The following NF1 variants were observed in gnomAD, a reference collection of about 807,000 sequenced individuals.
The protein encoded by NF1 is neurofibromin.
NF1 carries 122 observed loss-of-function variants against 325.7 expected under a neutral mutation model. That is an observed-to-expected ratio of 0.37 (90% CI 0.32 to 0.44). The LOEUF is 0.44. Among genes scored for constraint, NF1 ranks in the 20% least tolerant of loss-of-function variants. NF1 has a pLI of 1.00. For synonymous variants in NF1, 1,091 were observed against 1,186.0 expected (o/e 0.92, Z 1.65); for missense variants, 2,140 against 3,415.4 (o/e 0.63, Z 9.31).
Position 31,350,394 on chromosome 17 carries a change from A to G in NF1, c.7457+76A>G. 3.2e-6 allele frequency: 4 copies of G among 1,269,438 alleles called. No individual in the cohort carries two copies. In the South Asian group the frequency reaches 3.6e-5, roughly 12 times the overall value. 78.6% of individuals were successfully genotyped at this position (1,269,438 alleles called of 1,614,324 possible). A position where few individuals can be genotyped will look rare whatever the true frequency, so the allele number is the denominator to read the frequency against. On this transcript the variant is annotated intron_variant, in intron 50 of 57. Coordinates refer to ENST00000358273, the MANE Select transcript of NF1 (RefSeq NM_001042492.3). ...TTTCCAACTAATGGAGGCAAGCAGC[A>G]GAGTAATCTAGAAGGTAACATGGGA...
intron 12 of NF1, among the ~76,000 whole-genome samples, chr17:31,213,912 C>T (rs1212800628): frequency 6.6e-6 from 1 of 152,092 alleles, no homozygotes; most frequent in African/African-American, 2.4e-5. Flanking sequence ...TATTTTTACT[C>T]TTCTCTAAAA....
Position 31,236,049 on chromosome 17 carries a change from T to C in NF1, c.3974+28T>C, listed in dbSNP as rs778151597. ...TTGTCATCTTTTCACATAGAACCGC[T>C]GTTTTTTGTTTTTTTTTTTTTGTTT... On this transcript the variant is annotated intron_variant, in intron 29 of 57. Transcript: ENST00000358273. The C allele has an allele frequency of 2.7e-6, 4 of 1,498,962 alleles. No homozygotes were observed. The Admixed American group carries it at 5.4e-5, about 20-fold the overall frequency. The allele number at this position is 1,498,962 out of a possible 1,614,324, so 92.9% of individuals were successfully genotyped here.
chr17:31,236,791 T>G (rs897783795), intron 29 of NF1, among the ~76,000 whole-genome samples: 3 of 152,062 alleles, frequency 2.0e-5, no homozygotes, highest in Admixed American at 6.5e-5. Context: ...AAGCTTTCTC[T>G]GCTTGTTACC....
intron 36 of NF1, among the ~76,000 whole-genome samples, chr17:31,316,191 T>A (rs1455546213): frequency 1.3e-5 from 2 of 152,172 alleles, no homozygotes; most frequent in Non-Finnish European, 2.9e-5. Context: ...GATTCACTAT[T>A]TTTAAATCCC....
intron 3 of NF1, among the ~76,000 whole-genome samples, chr17:31,161,476 T>C (rs1009568382): frequency 2.0e-5 from 3 of 152,236 alleles, no homozygotes; most frequent in African/African-American, 4.8e-5. Flanking sequence ...CTTATCCGCA[T>C]GTAGTTATCA....
At chr17:31,216,590 C>T (rs1164689975) in intron 13 of NF1, among the ~76,000 whole-genome samples, 1 of 151,974 alleles carries the variant, frequency 6.6e-6, no homozygotes, top group Non-Finnish European at 1.5e-5. Flanking sequence ...TTCTTAGATC[C>T]CCCTGATCAT....
intron 14 of NF1, among the ~76,000 whole-genome samples, chr17:31,221,641 G>A (rs2066922321): frequency 6.6e-6 from 1 of 151,962 alleles, no homozygotes; most frequent in South Asian, 2.1e-4. Context: ...CAGAATGATG[G>A]GAATAAAATG....
chr17:31,220,080 T>G (rs147396914), intron 14 of NF1, among the ~76,000 whole-genome samples: 1 of 152,316 alleles, frequency 6.6e-6, no homozygotes, highest in East Asian at 1.9e-4. Flanking sequence ...TGCTAAGTCG[T>G]GTGGTAACTC....
chr17:31,178,882 AC>A (rs1357334932), intron 5 of NF1, among the ~76,000 whole-genome samples: 1 of 152,200 alleles, frequency 6.6e-6, no homozygotes, highest in Non-Finnish European at 1.5e-5. Context: ...TTAGAGACCT[AC>A]AAAGAGACTT....
At chr17:31,327,371 C>T in intron 37 of NF1, 128 bp from the exon 38 acceptor site, 1 of 706,286 alleles carries the variant, frequency 1.4e-6, no homozygotes, top group Non-Finnish European at 2.5e-6. Context: ...TTTGAATATA[C>T]AATGGTGGGA....
chr17:31,260,527 C>G lies in NF1; in HGVS notation c.4577+12C>G, dbSNP rs17878332. Reference sequence around the variant, plus strand: ...CTTTCCAGCAACAGGTAAGATTTCCCAGTCATGGGGATAGTGAACACTCTC... The same window carrying G: ...CTTTCCAGCAACAGGTAAGATTTCCGAGTCATGGGGATAGTGAACACTCTC... On this transcript the variant is annotated intron_variant, in intron 34 of 57. Coordinates refer to ENST00000358273, the MANE Select transcript of NF1 (RefSeq NM_001042492.3). The G allele has an allele frequency of 1.2e-6, 2 of 1,613,570 alleles. No homozygotes were observed. The highest frequency in any genetic ancestry group is 1.1e-5 in the South Asian group (1 of 91,076).
chr17:31,317,709 T>C (rs191919977), intron 36 of NF1: 1 of 152,318 alleles, frequency 6.6e-6, no homozygotes, highest in Admixed American at 6.5e-5. Context: ...AAAGTAAAGG[T>C]TTTAATTTAA....
intron 36 of NF1, chr17:31,320,509 G>A (rs1320921677): frequency 3.2e-6 from 4 of 1,252,534 alleles, no homozygotes; most frequent in Non-Finnish European, 4.6e-6. Flanking sequence ...GCTGACATTT[G>A]TATACTATTA....
Position 31,334,863 on chromosome 17 carries a change from G to T in NF1, c.5838G>T (p.Leu1946Phe), listed in dbSNP as rs2151550301. 1 of 1,613,716 alleles carries T rather than the reference G, an allele frequency of 6.2e-7. No individual in the cohort carries two copies. Among genetic ancestry groups the T allele is most frequent in the Non-Finnish European group, 8.5e-7 (1 of 1,179,918 alleles). ...GTATTGAATTGAAACACCTTTGTTT[G>T]GAATACATGACTCCATGGCTGTCAA... ...KSSIELKHLC[L>F]EYMTPWLSNL... is the part of the protein sequence containing the mutation. The change falls in exon 40 of 58, where the codon TTG becomes TTT. Residue 1946 changes from leucine (L) to phenylalanine (F), a missense_variant. Transcript: ENST00000358273.
intron 8 of NF1, among the ~76,000 whole-genome samples, chr17:31,197,344 C>CTTT (rs61619278): frequency 2.0e-5 from 2 of 99,294 alleles, no homozygotes; most frequent in Non-Finnish European, 4.1e-5. Flanking sequence ...CCGCGCCTGG[C>CTTT]TTTTTTTTTT....
At chr17:31,236,076 T>C (rs1567852937) in intron 29 of NF1, 55 bp downstream of exon 29, 2 of 1,341,430 alleles carry the variant, frequency 1.5e-6, no homozygotes, top group Non-Finnish European at 2.1e-6. Context: ...TTTTTGTTTG[T>C]TTGTTTTACT....
At chr17:31,197,262 G>A (rs1463339805) in intron 8 of NF1, among the ~76,000 whole-genome samples, 1 of 150,798 alleles carries the variant, frequency 6.6e-6, no homozygotes, top group African/African-American at 2.4e-5. Context: ...TAGCCAGGAT[G>A]GTCTCCATCT....
chr17:31,241,069 G>C (rs140995832), intron 29 of NF1, among the ~76,000 whole-genome samples: 1,974 of 152,166 alleles, frequency 0.013, 50 homozygotes, highest in African/African-American at 0.044. Flanking sequence ...GTAGAGACAG[G>C]GTTTCACCAC....
chr17:31,189,092 C>T (rs998905087), intron 8 of NF1, among the ~76,000 whole-genome samples: 1 of 152,062 alleles, frequency 6.6e-6, no homozygotes, highest in Non-Finnish European at 1.5e-5. Context: ...TTCAGTAGTA[C>T]TCGAGTGAAT....
Sources: gnomAD v4.1 joint callset for allele counts (sites outside exome capture counted in the v4.1 genomes callset) on GRCh38, gnomAD v4.1.1 for gene constraint, MANE v1.5 for transcripts, NCBI Gene and HGNC (gene_info 2026-07-23, HGNC 2026-07-21) for gene names.